Variants in STEAP1 observed in about 807,000 individuals in gnomAD.
The protein encoded by STEAP1 is STEAP1 protein.
Under a neutral mutation model 34.4 loss-of-function variants are expected in STEAP1, and 30 were observed. That is an observed-to-expected ratio of 0.87 (90% CI 0.65 to 1.18). The LOEUF (loss-of-function observed/expected upper bound fraction) is 1.18. Ranked by LOEUF, STEAP1 falls within the 50% of genes most tolerant of loss-of-function variation. STEAP1 has a pLI of 0.00. For missense variants in STEAP1, 318 were observed against 391.1 expected (o/e 0.81, Z 1.58); for synonymous variants, 116 against 135.3 (o/e 0.86, Z 0.99).
At chr7:90,163,033 CA>C in intron 4 of STEAP1, 1 of 435,144 alleles carries the variant, frequency 2.3e-6, no homozygotes, top group South Asian at 1.7e-5. Context: ...TGACAAGATT[CA>C]AAGGACTAAA....
At chr7:90,164,307 A>G (rs1182988834) in intron 4 of STEAP1, among the ~76,000 whole-genome samples, 170 bp from the exon 5 acceptor site, 1 of 152,168 alleles carries the variant, frequency 6.6e-6, no homozygotes, top group African/African-American at 2.4e-5. Context: ...AAGTAAGGTG[A>G]GGAGGATAGG....
At chr7:90,161,825 G>A in intron 3 of STEAP1, 89 bp from the exon 4 acceptor site, 2 of 1,488,748 alleles carry the variant, frequency 1.3e-6, no homozygotes, top group Non-Finnish European at 1.8e-6. Flanking sequence ...GGGCTTCATA[G>A]TAGGCACAGG....
rs1794193634 is a variant in STEAP1 at position 90,162,061 on chromosome 7, G to A, written c.745G>A (p.Glu249Lys). The change falls in exon 4 of 5, where the codon GAA (glutamate) becomes AAA (lysine). Residue 249 changes from glutamate to lysine, a missense_variant. Coordinates refer to ENST00000297205, the MANE Select transcript of STEAP1 (RefSeq NM_012449.3). ...PSVSDSLTWR[E>K]FHYIQSKLGI... ...TGTGAGTGACTCTTTGACATGGAGA[G>A]AATTTCACTATATTCAGGTAAATAA... The A allele has an allele frequency of 6.2e-7, 1 of 1,604,660 alleles. No homozygotes were observed.
At chr7:90,162,704 A>T (rs192083881) in intron 4 of STEAP1, among the ~76,000 whole-genome samples, 2 of 152,254 alleles carry the variant, frequency 1.3e-5, no homozygotes, top group African/African-American at 4.8e-5. Context: ...TCCAATATGC[A>T]TGGTTTATTA....
rs188757545 is a variant in STEAP1 at position 90,162,493 on chromosome 7, T to A, written c.762+415T>A. Among the ~76,000 whole-genome samples the A allele has an allele frequency of 3.3e-5, 5 of 152,150 alleles. No homozygotes were observed. In the East Asian group the frequency reaches 9.7e-4, roughly 29 times the overall value. On this transcript the variant is annotated intron_variant, in intron 4 of 4. Coordinates refer to ENST00000297205, the MANE Select transcript of STEAP1 (RefSeq NM_012449.3). ...ACAGGCACCCATCACCATGTCCAGC[T>A]AATTTTTGTATTTTTAGTAGAGACA...
intron 1 of STEAP1, 129 bp from the exon 2 acceptor site, chr7:90,159,629 C>G: frequency 2.4e-6 from 1 of 412,224 alleles, no homozygotes; most frequent in Non-Finnish European, 4.2e-6. Flanking sequence ...AAATCAGTCA[C>G]TATTTCCATT....
intron 1 of STEAP1, among the ~76,000 whole-genome samples, chr7:90,154,905 G>A (rs1199804955): frequency 6.6e-6 from 1 of 152,244 alleles, no homozygotes; most frequent in African/African-American, 2.4e-5. Flanking sequence ...AGTTTGCTGT[G>A]CATTGACGAA....
intron 2 of STEAP1, among the ~76,000 whole-genome samples, 176 bp from the exon 3 acceptor site, chr7:90,160,628 CA>C (rs758417784): frequency 6.6e-6 from 1 of 150,592 alleles, no homozygotes; most frequent in South Asian, 2.1e-4. Context: ...GTCCTAAAGA[CA>C]AAAGTCTTTC....
At chr7:90,157,179 CA>C (rs1169419689) in intron 1 of STEAP1, among the ~76,000 whole-genome samples, 6 of 149,096 alleles carry the variant, frequency 4.0e-5, no homozygotes, top group Non-Finnish European at 7.4e-5. Context: ...TAACTTAAAC[CA>C]AAAAAAAAGG....
chr7:90,159,288 C>T (rs1467958401), intron 1 of STEAP1, among the ~76,000 whole-genome samples: 1 of 152,332 alleles, frequency 6.6e-6, no homozygotes, highest in East Asian at 1.9e-4. Flanking sequence ...AAATGGTACT[C>T]TGAAAATACT....
At chr7:90,156,100 A>G (rs912829226) in intron 1 of STEAP1, among the ~76,000 whole-genome samples, 12 of 152,218 alleles carry the variant, frequency 7.9e-5, no homozygotes, top group Admixed American at 2.6e-4. Flanking sequence ...GTTGTTCACA[A>G]TATAGTTAAT....
At chr7:90,160,370 C>G (rs1315478041) in intron 2 of STEAP1, among the ~76,000 whole-genome samples, 1 of 152,062 alleles carries the variant, frequency 6.6e-6, no homozygotes, top group Non-Finnish European at 1.5e-5. Context: ...TTTGGTCAAA[C>G]ACAGGATTAA....
Position 90,161,395 on chromosome 7 carries a change from T to C in STEAP1, c.597+78T>C, listed in dbSNP as rs915857117. On this transcript the variant is annotated intron_variant, in intron 3 of 4. Transcript: ENST00000297205. ...AAATTAATCATTTCTCATTGTAATA[T>C]CAATACCCCAACCCTGTTGAAACTC... 7.6e-6 allele frequency: 11 copies of C among 1,454,788 alleles called. No homozygotes were observed. In the Admixed American group the frequency reaches 2.1e-4, roughly 28 times the overall value. 90.1% of individuals were successfully genotyped at this position (1,454,788 alleles called of 1,614,324 possible). A position where few individuals can be genotyped will look rare whatever the true frequency, so the allele number is the denominator to read the frequency against.
At chr7:90,161,394 A>G (rs1794184700) in intron 3 of STEAP1, 77 bp downstream of exon 3, 2 of 1,458,610 alleles carry the variant, frequency 1.4e-6, no homozygotes, top group Admixed American at 2.4e-5. Context: ...TCATTGTAAT[A>G]TCAATACCCC....
chr7:90,162,787 T>C lies in STEAP1; in HGVS notation c.762+709T>C, dbSNP rs190328610. Reference sequence around the variant, plus strand: ...CCTTTTATGTTACACAACTTAGCACTTTCCAGAAACAAAAACTCTCTCCTT... The same window carrying C: ...CCTTTTATGTTACACAACTTAGCACCTTCCAGAAACAAAAACTCTCTCCTT... On this transcript the variant is annotated intron_variant, in intron 4 of 4. Transcript: ENST00000297205. Among the ~76,000 whole-genome samples, 1,437 of 152,314 alleles carry C rather than the reference T, an allele frequency of 9.4e-3. 9 individuals carry two copies. Among genetic ancestry groups the C allele is most frequent in the South Asian group, 0.033 (158 of 4,826 alleles).
At chr7:90,160,260 T>G (rs1294705405) in intron 2 of STEAP1, among the ~76,000 whole-genome samples, 1 of 152,198 alleles carries the variant, frequency 6.6e-6, no homozygotes, top group Non-Finnish European at 1.5e-5. Flanking sequence ...CAAGCATTTT[T>G]GTCATAGACA....
intron 1 of STEAP1, among the ~76,000 whole-genome samples, chr7:90,157,226 C>G (rs1276197329): frequency 6.6e-6 from 1 of 152,170 alleles, no homozygotes. Context: ...AATTCAGGAT[C>G]TAGTCTCAGG....
intron 2 of STEAP1, among the ~76,000 whole-genome samples, chr7:90,160,201 TAA>T (rs879437258): frequency 1.8e-4 from 26 of 141,158 alleles, no homozygotes; most frequent in Admixed American, 4.3e-4. Context: ...AGTTCTAAGT[TAA>T]AAAAAAAAAA....
intron 1 of STEAP1, among the ~76,000 whole-genome samples, chr7:90,155,141 T>C (rs1794103567): frequency 6.6e-6 from 1 of 152,194 alleles, no homozygotes; most frequent in Admixed American, 6.5e-5. Context: ...TCCAAATTTC[T>C]TACTTTGTTA....
Sources: allele counts gnomAD v4.1 joint callset (sites outside exome capture counted in the v4.1 genomes callset), GRCh38; gene constraint gnomAD v4.1.1; transcripts MANE v1.5; gene names NCBI Gene and HGNC (gene_info 2026-07-23, HGNC 2026-07-21).